The following RUBCN variants were observed in gnomAD, a reference collection of about 807,000 sequenced individuals.
The protein encoded by RUBCN is run domain Beclin-1-interacting and cysteine-rich domain-containing protein.
RUBCN carries 74 observed loss-of-function variants against 113.2 expected under a neutral mutation model. The observed-to-expected ratio is 0.65, with a 90% CI of 0.54 to 0.79. The LOEUF is 0.79. Ranked by LOEUF, RUBCN falls within the 30% of genes least tolerant of loss-of-function variation. RUBCN has a pLI of 0.00. For missense variants in RUBCN, 1,109 were observed against 1,251.7 expected (o/e 0.89, Z 1.72); for synonymous variants, 480 against 490.0 (o/e 0.98, Z 0.27).
intron 1 of RUBCN, 103 bp from the exon 2 acceptor site, chr3:197,718,233 T>C: frequency 8.1e-7 from 1 of 1,231,108 alleles, no homozygotes; most frequent in Non-Finnish European, 1.2e-6. Context: ...CCCCACATCC[T>C]AACATTCTCT....
rs1055028502 is a variant in RUBCN, at chr3:197,686,441, C to T, written c.1787-2224G>A. Among the ~76,000 whole-genome samples the T allele has an allele frequency of 2.5e-4, 38 of 152,164 alleles. 3 individuals carry two copies. The highest frequency in any genetic ancestry group is 1.1e-3 in the Admixed American group (17 of 15,290). Reference sequence around the variant, plus strand: ...AGCTTCGGAGGCAAGGCTCTGACCCCGGACTGGAGGGAGAGAAGCACACTC... The same window carrying T: ...AGCTTCGGAGGCAAGGCTCTGACCCTGGACTGGAGGGAGAGAAGCACACTC... On this transcript the variant is annotated intron_variant, in intron 11 of 19. Coordinates refer to ENST00000296343, the MANE Select transcript of RUBCN (RefSeq NM_014687.4).
Position 197,727,838 on chromosome 3 carries a change from A to G in RUBCN, c.65+8817T>C, listed in dbSNP as rs538243295. 2.6e-5 allele frequency among the ~76,000 whole-genome samples: 4 copies of G among 152,384 alleles called. No homozygotes were observed. In the East Asian group the frequency reaches 5.8e-4, roughly 22 times the overall value. ...TATTACTTCACCAGGCTCATGTTATACTGTCTAGGTAGCAGAATGCTTTAC... is the reference window on the plus strand; with the variant it reads ...TATTACTTCACCAGGCTCATGTTATGCTGTCTAGGTAGCAGAATGCTTTAC... On this transcript the variant is annotated intron_variant, in intron 1 of 19. Coordinates refer to ENST00000296343, the MANE Select transcript of RUBCN (RefSeq NM_014687.4).
intron 8 of RUBCN, among the ~76,000 whole-genome samples, chr3:197,696,382 AAAACAAAAC>A (rs1402245076): frequency 6.6e-6 from 1 of 152,006 alleles, no homozygotes; most frequent in African/African-American, 2.4e-5. Flanking sequence ...CAAAAAAAAA[AAAACAAAAC>A]AAAAAAGAAT....
At chr3:197,723,618 A>C (rs1207389175) in intron 1 of RUBCN, among the ~76,000 whole-genome samples, 1 of 152,196 alleles carries the variant, frequency 6.6e-6, no homozygotes, top group Non-Finnish European at 1.5e-5. Flanking sequence ...CATTTTACAT[A>C]TTTTTATATT....
rs770670830 is a variant in RUBCN, at chr3:197,677,503, G to C, written c.2469C>G (p.Phe823Leu). Residue 823 changes from phenylalanine (F) to leucine (L), a missense_variant, in exon 17 of 20, where the codon TTC (phenylalanine) becomes TTG (leucine). Phe to Leu is a conservative substitution (Grantham distance 22, BLOSUM62 0). Transcript: ENST00000296343. ...RVQLCHMKNM[F>L]KTCRLAKELL... ...ACTCCTTGGCCAGTCGGCAAGTCTT[G>C]AACATGTTCTTCATGTGACACAGCT... The C allele has an allele frequency of 6.2e-7, 1 of 1,614,146 alleles. No individual in the cohort carries two copies. Among genetic ancestry groups the C allele is most frequent in the Non-Finnish European group, 8.5e-7 (1 of 1,180,002 alleles).
chr3:197,740,272 T>C (rs1244713426), upstream of RUBCN, among the ~76,000 whole-genome samples: 1 of 151,314 alleles, frequency 6.6e-6, no homozygotes, highest in Non-Finnish European at 1.5e-5. Flanking sequence ...TCTCGCTCTG[T>C]CACTCAGGCT....
At chr3:197,677,108 C>G in intron 17 of RUBCN, 70 bp from the exon 18 acceptor site, 1 of 1,514,092 alleles carries the variant, frequency 6.6e-7, no homozygotes, top group Non-Finnish European at 9.1e-7. Context: ...AGAAGGATCC[C>G]TATCCAGAAA....
At chr3:197,725,884 C>A (rs1726689780) in intron 1 of RUBCN, among the ~76,000 whole-genome samples, 1 of 152,124 alleles carries the variant, frequency 6.6e-6, no homozygotes, top group Non-Finnish European at 1.5e-5. Context: ...AATCTAAATA[C>A]CAACTTTGCT....
chr3:197,683,506 A>G lies in RUBCN; in HGVS notation c.1848-67T>C. On this transcript the variant is annotated intron_variant, in intron 12 of 19. Transcript: ENST00000296343. This position sits in a 1 kb window ranked among gnomAD's most constrained non-coding sequence, Gnocchi z 4.6. ...GATGGGCGATGCGAGGCTTCCCTTCATGATCTCATCCCCCACGCAGCAACT... is the reference window on the plus strand; with the variant it reads ...GATGGGCGATGCGAGGCTTCCCTTCGTGATCTCATCCCCCACGCAGCAACT... 2 of 1,585,388 alleles carry G rather than the reference A, an allele frequency of 1.3e-6. No individual in the cohort carries two copies. The highest frequency in any genetic ancestry group is 1.1e-5 in the South Asian group (1 of 89,472).
intron 2 of RUBCN, among the ~76,000 whole-genome samples, chr3:197,716,847 A>G (rs1725572624): frequency 1.3e-5 from 2 of 152,132 alleles, no homozygotes; most frequent in East Asian, 3.9e-4. Context: ...AGGGCTGGGC[A>G]CGGTGGCTCA....
intron 4 of RUBCN, among the ~76,000 whole-genome samples, 164 bp downstream of exon 4, chr3:197,704,378 G>A (rs759200622): frequency 1.5e-4 from 23 of 152,152 alleles, no homozygotes; most frequent in Non-Finnish European, 3.1e-4. Context: ...AGGTTGCAGT[G>A]AGCCGAGATC....
chr3:197,678,896 C>A, intron 16 of RUBCN, among the ~76,000 whole-genome samples: 1 of 146,858 alleles, frequency 6.8e-6, no homozygotes. Flanking sequence ...CCAGACTGTC[C>A]TACGCTCTAA....
At chr3:197,686,017 G>A (rs983456901) in intron 11 of RUBCN, among the ~76,000 whole-genome samples, 3 of 151,824 alleles carry the variant, frequency 2.0e-5, no homozygotes, top group Admixed American at 6.6e-5. Flanking sequence ...TTGGCTAAAA[G>A]CAATTAACAG....
intron 18 of RUBCN, chr3:197,676,240 G>T (rs758128264): frequency 1.5e-5 from 15 of 991,024 alleles, no homozygotes; most frequent in Non-Finnish European, 1.8e-5. Context: ...ATTTATTTTG[G>T]TCATAATGAC....
intron 1 of RUBCN, among the ~76,000 whole-genome samples, chr3:197,747,426 G>A (rs866103345): frequency 1.3e-4 from 20 of 150,962 alleles, no homozygotes; most frequent in Admixed American, 1.1e-3. Context: ...TCACGATGTC[G>A]CCCAGGCTGG....
chr3:197,702,227 G>A (rs1723759802), intron 5 of RUBCN, among the ~76,000 whole-genome samples: 1 of 152,226 alleles, frequency 6.6e-6, no homozygotes, highest in Admixed American at 6.5e-5. Context: ...TCTACTCTGT[G>A]CCTCAGCAGC....
At chr3:197,719,791 TTTAG>T (rs1725942381) in intron 1 of RUBCN, among the ~76,000 whole-genome samples, 1 of 151,248 alleles carries the variant, frequency 6.6e-6, no homozygotes, top group African/African-American at 2.4e-5. Flanking sequence ...AGCTACCGTA[TTTAG>T]TGTCACCTTT....
At chr3:197,697,135 T>C (rs936116277) in intron 7 of RUBCN, 86 bp from the exon 8 acceptor site, 1 of 745,952 alleles carries the variant, frequency 1.3e-6, no homozygotes, top group Non-Finnish European at 2.5e-6. Context: ...AACACTTAAC[T>C]GCACCCCTTC....
intron 6 of RUBCN, 107 bp downstream of exon 6, chr3:197,701,601 A>G (rs910355477): frequency 3.8e-5 from 38 of 1,006,836 alleles, no homozygotes; most frequent in Non-Finnish European, 3.8e-5. Flanking sequence ...ATTAAGAAAA[A>G]CTACCAACCC....
Sources: allele counts gnomAD v4.1 joint callset (sites outside exome capture counted in the v4.1 genomes callset), GRCh38; gene constraint gnomAD v4.1.1; non-coding constraint Gnocchi (gnomAD v3.1); transcripts MANE v1.5; gene names NCBI Gene and HGNC (gene_info 2026-07-23, HGNC 2026-07-21).